The following RPSA2 variants were observed in gnomAD, a reference collection of about 807,000 sequenced individuals.
RPSA2 encodes the protein ribosomal protein SA 2.
chr19:23,845,425 T>TGTATC, the RPSA2 span, among the ~76,000 whole-genome samples: 1 of 152,024 alleles, frequency 6.6e-6, no homozygotes, highest in Non-Finnish European at 1.5e-5. Flanking sequence ...CTATATTTGA[T>TGTATC]GTATCTCACA....
chr19:23,772,341 C>T, the RPSA2 span, among the ~76,000 whole-genome samples: 1 of 152,102 alleles, frequency 6.6e-6, no homozygotes, highest in East Asian at 1.9e-4. Context: ...TGTGACACTG[C>T]TGCTTGGTTC....
chr19:23,767,460 G>A, the RPSA2 span, among the ~76,000 whole-genome samples: 1 of 152,208 alleles, frequency 6.6e-6, no homozygotes, highest in Non-Finnish European at 1.5e-5. Flanking sequence ...AGGCAGAAAT[G>A]ATTTTTGTTC....
chr19:23,808,472 G>A, the RPSA2 span, among the ~76,000 whole-genome samples: 1 of 151,884 alleles, frequency 6.6e-6, no homozygotes, highest in East Asian at 1.9e-4. Flanking sequence ...TCACCATCTT[G>A]GGCAGGCTGG....
At chr19:23,787,398 C>A in the RPSA2 span, among the ~76,000 whole-genome samples, 2 of 150,626 alleles carry the variant, frequency 1.3e-5, no homozygotes, top group Non-Finnish European at 2.9e-5. Context: ...GTCAGGAGTA[C>A]AAGACCAGCC....
the RPSA2 span, among the ~76,000 whole-genome samples, chr19:23,779,191 G>A: frequency 1.3e-5 from 2 of 151,608 alleles, no homozygotes; most frequent in African/African-American, 4.8e-5. Flanking sequence ...TAGTAGAGGC[G>A]GGGTTTCACT....
chr19:23,784,493 A>C, the RPSA2 span, among the ~76,000 whole-genome samples: 1 of 152,192 alleles, frequency 6.6e-6, no homozygotes, highest in Non-Finnish European at 1.5e-5. Flanking sequence ...TATTATCTGG[A>C]CTCAGCCAAT....
chr19:23,842,831 A>G, the RPSA2 span, among the ~76,000 whole-genome samples: 1 of 152,214 alleles, frequency 6.6e-6, no homozygotes, highest in Non-Finnish European at 1.5e-5. Flanking sequence ...AAAATCTTCA[A>G]GATGTTTTAT....
chr19:23,782,581 T>G, the RPSA2 span: 1 of 152,296 alleles, frequency 6.6e-6, no homozygotes, highest in Admixed American at 6.5e-5. Context: ...GACTTATTGC[T>G]GGGGCAAGCA....
chr19:23,786,703 C>G, the RPSA2 span, among the ~76,000 whole-genome samples: 2 of 152,012 alleles, frequency 1.3e-5, no homozygotes, highest in Non-Finnish European at 2.9e-5. Context: ...TGCCTGGTCT[C>G]TGCTCACAGA....
chr19:23,791,778 C>T, the RPSA2 span, among the ~76,000 whole-genome samples: 1 of 6,044 alleles, frequency 1.7e-4, no homozygotes, highest in Non-Finnish European at 0.01. Context: ...CTTGCTCTAT[C>T]TCTGAGACTG....
the RPSA2 span, among the ~76,000 whole-genome samples, chr19:23,840,614 G>T: frequency 1.3e-5 from 2 of 152,158 alleles, no homozygotes; most frequent in Non-Finnish European, 2.9e-5. Flanking sequence ...TCAAAGAAAT[G>T]TGCCTTCTAG....
At chr19:23,850,066 A>G in the RPSA2 span, among the ~76,000 whole-genome samples, 1 of 151,950 alleles carries the variant, frequency 6.6e-6, no homozygotes, top group African/African-American at 2.4e-5. Flanking sequence ...AGAGGAGGGT[A>G]TTTATAACCC....
chr19:23,761,757 C>G, the RPSA2 span, among the ~76,000 whole-genome samples: 2,848 of 151,618 alleles, frequency 0.019, 37 homozygotes, highest in Non-Finnish European at 0.022. Flanking sequence ...TTAAATATCC[C>G]CGTTAGTGAG....
the RPSA2 span, among the ~76,000 whole-genome samples, chr19:23,861,673 T>C: frequency 6.6e-6 from 1 of 152,106 alleles, no homozygotes. Context: ...TAACATGACC[T>C]CTGCAAGCCC....
chr19:23,803,097 T>G, the RPSA2 span, among the ~76,000 whole-genome samples: 5 of 151,868 alleles, frequency 3.3e-5, no homozygotes, highest in Non-Finnish European at 1.5e-5. Context: ...GAGATTTAAT[T>G]TTTTTTTTTT....
chr19:23,867,885 A>G, the RPSA2 span, among the ~76,000 whole-genome samples: 1 of 151,472 alleles, frequency 6.6e-6, no homozygotes, highest in African/African-American at 2.4e-5. Flanking sequence ...GGGGTCATTG[A>G]TACTTTTCCA....
chr19:23,770,907 A>C, the RPSA2 span, among the ~76,000 whole-genome samples: 1 of 152,130 alleles, frequency 6.6e-6, no homozygotes, highest in African/African-American at 2.4e-5. Context: ...ATACCTATTC[A>C]CTGGTGGGAT....
chr19:23,861,642 C>T, the RPSA2 span, among the ~76,000 whole-genome samples: 418 of 152,178 alleles, frequency 2.7e-3, no homozygotes, highest in African/African-American at 9.7e-3. Flanking sequence ...CAAACAAATC[C>T]CCGTCAGTCA....
the RPSA2 span, among the ~76,000 whole-genome samples, chr19:23,794,603 T>G: frequency 1.3e-5 from 2 of 150,526 alleles, no homozygotes; most frequent in African/African-American, 4.9e-5. Context: ...GTCAGAAGCA[T>G]AGTTTGCAAA....
Sources: gnomAD v4.1 joint callset for allele counts (sites outside exome capture counted in the v4.1 genomes callset) on GRCh38, gnomAD v4.1.1 for gene constraint, MANE v1.5 for transcripts, NCBI Gene and HGNC (gene_info 2026-07-23, HGNC 2026-07-21) for gene names.